The following DEPDC5 variants were observed in gnomAD, a reference collection of about 807,000 sequenced individuals.
The protein encoded by DEPDC5 is DEP domain containing 5, GATOR1 subcomplex subunit, also known as GATOR1 complex protein DEPDC5.
A neutral mutation model predicts 217.3 loss-of-function variants in DEPDC5; 73 were observed. The ratio of observed to expected loss-of-function variants is 0.34; its 90% confidence interval spans 0.28 to 0.41. The LOEUF is 0.41. DEPDC5 is among the 10% of genes least tolerant of loss of function. The pLI is 1.00. For synonymous variants in DEPDC5, 733 were observed against 756.7 expected (o/e 0.97, Z 0.51); for missense variants, 1,675 against 2,070.1 (o/e 0.81, Z 3.70).
At chr22:31,756,152 G>A (rs540877589) in intron 2 of DEPDC5, among the ~76,000 whole-genome samples, 1 of 151,542 alleles carries the variant, frequency 6.6e-6, no homozygotes, top group South Asian at 2.1e-4. Context: ...CAAAGTGCTA[G>A]GATTACAGGC....
At chr22:31,794,548 A>G (rs1047718938) in intron 12 of DEPDC5, among the ~76,000 whole-genome samples, 5 of 152,166 alleles carry the variant, frequency 3.3e-5, no homozygotes, top group South Asian at 2.1e-4. Flanking sequence ...GAAACTGGTT[A>G]TCTTTTTCTT....
intron 38 of DEPDC5, chr22:31,891,053 T>G (rs947791260): frequency 2.9e-5 from 7 of 243,530 alleles, no homozygotes; most frequent in Admixed American, 1.1e-4. Context: ...GGTTTTCTAA[T>G]TTATGGCAGA....
At chr22:31,792,253 A>T in intron 11 of DEPDC5, 151 bp downstream of exon 11, 1 of 624,174 alleles carries the variant, frequency 1.6e-6, no homozygotes, top group Non-Finnish European at 2.8e-6. Context: ...AAAGTAGCAC[A>T]GTCCGTTAGT....
intron 10 of DEPDC5, chr22:31,785,140 A>G (rs1290551210): frequency 8.6e-6 from 3 of 349,078 alleles, no homozygotes; most frequent in African/African-American, 2.1e-5. Context: ...CTGATATTCA[A>G]CATTATACTA....
intron 24 of DEPDC5, 144 bp downstream of exon 24, chr22:31,822,934 T>A (rs1449435663): frequency 1.4e-6 from 1 of 736,672 alleles, no homozygotes; most frequent in East Asian, 2.8e-5. Flanking sequence ...GAAACAGTGC[T>A]CTATAATGCA....
chr22:31,843,624 G>T (rs200999618), intron 28 of DEPDC5, 21 bp from the exon 29 acceptor site: 10 of 1,584,508 alleles, frequency 6.3e-6, no homozygotes, highest in Non-Finnish European at 8.6e-6. Flanking sequence ...TGAATTTGGG[G>T]ACCTGCCCTT....
chr22:31,791,424 G>A (rs1027590427), intron 10 of DEPDC5, among the ~76,000 whole-genome samples: 4 of 149,714 alleles, frequency 2.7e-5, no homozygotes, highest in Non-Finnish European at 5.9e-5. Flanking sequence ...ATCACTTGAG[G>A]CCATGAGTTC....
chr22:31,812,824 T>C (rs1387130402), intron 20 of DEPDC5, among the ~76,000 whole-genome samples: 1 of 148,706 alleles, frequency 6.7e-6, no homozygotes, highest in Non-Finnish European at 1.5e-5. Context: ...CACCACAACC[T>C]CCGCCTCCCA....
At chr22:31,861,140 G>A (rs1380886344) in intron 32 of DEPDC5, among the ~76,000 whole-genome samples, 2 of 149,200 alleles carry the variant, frequency 1.3e-5, no homozygotes, top group East Asian at 3.9e-4. Context: ...TTCGCATTTG[G>A]ATATTGTCTT....
At chr22:31,861,243 G>A in intron 32 of DEPDC5, 125 bp from the exon 33 acceptor site, 2 of 607,414 alleles carry the variant, frequency 3.3e-6, no homozygotes, top group Non-Finnish European at 5.5e-6. Flanking sequence ...TTCCCTCCTT[G>A]TTTTTATTTT....
At chr22:31,902,732 A>G (rs1265053106) in intron 41 of DEPDC5, among the ~76,000 whole-genome samples, 3 of 151,958 alleles carry the variant, frequency 2.0e-5, no homozygotes, top group African/African-American at 7.3e-5. Context: ...AGGAACCATG[A>G]GCAATTCTGG....
At chr22:31,835,525 G>A (rs2090928945) in intron 25 of DEPDC5, among the ~76,000 whole-genome samples, 1 of 152,202 alleles carries the variant, frequency 6.6e-6, no homozygotes, top group Non-Finnish European at 1.5e-5. Context: ...CCAGCAGAAA[G>A]CATTTCTACA....
intron 24 of DEPDC5, among the ~76,000 whole-genome samples, chr22:31,831,716 C>T (rs1326758290): frequency 6.6e-6 from 1 of 152,170 alleles, no homozygotes; most frequent in African/African-American, 2.4e-5. Flanking sequence ...CCGCCTCGGC[C>T]TCCCAAAGGG....
At chr22:31,880,687 G>A (rs2093149627) in intron 38 of DEPDC5, among the ~76,000 whole-genome samples, 1 of 151,934 alleles carries the variant, frequency 6.6e-6, no homozygotes, top group South Asian at 2.1e-4. Context: ...ATCACTTGAG[G>A]TCAGGAGTTC....
Position 31,768,824 on chromosome 22 carries a change from G to A in DEPDC5, c.374G>A (p.Cys125Tyr). 2 of 1,613,006 alleles carry A rather than the reference G, an allele frequency of 1.2e-6. No homozygotes were observed. Among genetic ancestry groups the A allele is most frequent in the Non-Finnish European group, 1.7e-6 (2 of 1,179,574 alleles). ...TCCCCCTCCTCTTAGGTCAGCACAT[G>A]TGCCTATATCACCCAGAAGGTGGAG... ...WRLKKSLVST[C>Y]AYITQKVEFA... is the part of the protein sequence containing the mutation. Residue 125 changes from cysteine (C) to tyrosine (Y), a missense_variant, in exon 7 of 43, where the codon TGT becomes TAT. Cys to Tyr is a radical substitution (Grantham distance 194, BLOSUM62 -2). This residue lies in a region of DEPDC5 where 628 missense variants were observed against 762.1 expected (regional missense o/e 0.82). Coordinates refer to ENST00000651528, the MANE Select transcript of DEPDC5 (RefSeq NM_001242896.3).
In DEPDC5 at chr22:31,804,930, G is replaced by C. The variant is rs200208212; in HGVS notation, c.1217+15G>C. On this transcript the variant is annotated intron_variant, in intron 17 of 42. Coordinates refer to ENST00000651528, the MANE Select transcript of DEPDC5 (RefSeq NM_001242896.3). ...ATAAACCACAGGTGGGTGCGATCTC[G>C]ATCAATAGTAGGTGATAAGCGTTTT... is the stretch of plus-strand genomic sequence containing the variant. 1 of 1,609,430 alleles carries C rather than the reference G, an allele frequency of 6.2e-7. No individual in the cohort carries two copies. Among genetic ancestry groups the C allele is most frequent in the Non-Finnish European group, 8.5e-7 (1 of 1,177,022 alleles).
At chr22:31,899,751 G>T (rs1217448559) in intron 40 of DEPDC5, among the ~76,000 whole-genome samples, 1 of 152,046 alleles carries the variant, frequency 6.6e-6, no homozygotes, top group Non-Finnish European at 1.5e-5. Context: ...TTCCAAATGT[G>T]GAAAGATTAG....
chr22:31,861,649 A>T (rs2092518585), intron 33 of DEPDC5, among the ~76,000 whole-genome samples: 1 of 152,242 alleles, frequency 6.6e-6, no homozygotes, highest in African/African-American at 2.4e-5. Context: ...ATATGATTGT[A>T]CCAGTGATGA....
intron 7 of DEPDC5, among the ~76,000 whole-genome samples, chr22:31,770,145 G>C (rs1038785591): frequency 1.1e-4 from 16 of 151,306 alleles, no homozygotes; most frequent in Non-Finnish European, 2.1e-4. Flanking sequence ...GAGGTGGGAG[G>C]ATCGCCTGAG....
Sources: gnomAD v4.1 joint callset for allele counts (sites outside exome capture counted in the v4.1 genomes callset) on GRCh38, gnomAD v4.1.1 for gene constraint, gnomAD v4.1.1 regional missense constraint, MANE v1.5 for transcripts, NCBI Gene and HGNC (gene_info 2026-07-23, HGNC 2026-07-21) for gene names.